The following NFS1 variants were observed in gnomAD, a reference collection of about 807,000 sequenced individuals.
The protein encoded by NFS1 is NFS1 cysteine desulfurase.
NFS1 carries 26 observed loss-of-function variants against 57.3 expected under a neutral mutation model. That is an observed-to-expected ratio of 0.45 (90% CI 0.33 to 0.63). NFS1 has a LOEUF of 0.63. NFS1 is among the 20% of genes least tolerant of loss of function. The pLI is 0.02. For missense variants in NFS1, 505 were observed against 605.8 expected, an observed-to-expected ratio of 0.83 and a Z score of 1.75; for synonymous variants, 209 against 216.3, an observed-to-expected ratio of 0.97 and a Z score of 0.30.
Position 35,674,370 on chromosome 20 carries a change from G to A in NFS1, c.1116C>T (p.Asp372=), listed in dbSNP as rs775044255. 39 of 1,613,956 alleles carry A rather than the reference G, an allele frequency of 2.4e-5. No homozygotes were observed. Among genetic ancestry groups the A allele is most frequent in the African/African-American group, 1.9e-4 (14 of 74,904 alleles). Residue 372 remains aspartate (D), a synonymous_variant, in exon 10 of 13, where the codon GAC becomes GAT. Coordinates refer to ENST00000374092, the MANE Select transcript of NFS1 (RefSeq NM_021100.5). Reference sequence around the variant, plus strand: ...CTCACCTCCCTGAGGATAAGGCAACGTCCTTCAGTGCCATCAGCAGACTTT... The same window carrying A: ...CTCACCTCCCTGAGGATAAGGCAACATCCTTCAGTGCCATCAGCAGACTTT... ...EGESLLMALK[D]VALSSGSACT...
At position 35,691,910 on chromosome 20, in the gene NFS1, C is replaced by T. The variant is rs774644603; in HGVS notation, c.409-1345G>A. ...CTAAAAATACAAAAATGGCCAGGCG[C>T]GGTGGCTCACACCTGTAATTCCAAC... On this transcript the variant is annotated intron_variant, in intron 4 of 12. Coordinates refer to ENST00000374092, the MANE Select transcript of NFS1 (RefSeq NM_021100.5). Among the ~76,000 whole-genome samples the T allele has an allele frequency of 4.6e-5, 7 of 151,644 alleles. No individual in the cohort carries two copies. In the South Asian group the frequency reaches 6.3e-4, roughly 14 times the overall value.
At position 35,690,537 on chromosome 20, in the gene NFS1, T is replaced by G; in HGVS notation, c.437A>C (p.Lys146Thr). 1.2e-6 allele frequency: 2 copies of G among 1,614,106 alleles called. No individual in the cohort carries two copies. Among genetic ancestry groups the G allele is most frequent in the Non-Finnish European group, 1.7e-6 (2 of 1,180,016 alleles). Residue 146 changes from lysine (K) to threonine (T), a missense_variant, in exon 5 of 13, where the codon AAA becomes ACA. Lys to Thr is a moderately conservative substitution (Grantham distance 78, BLOSUM62 -1). Coordinates refer to ENST00000374092, the MANE Select transcript of NFS1 (RefSeq NM_021100.5). ...TGTCTGGGTGGTGATCAAGTGCTTTTTCCGTGACCTGTAGAATCGGGCCAC... is the reference window on the plus strand; with the variant it reads ...TGTCTGGGTGGTGATCAAGTGCTTTGTCCGTGACCTGTAGAATCGGGCCAC... ...KGVARFYRSR[K>T]KHLITTQTEH...
chr20:35,699,008 G>A lies in NFS1; in HGVS notation c.97+184C>T. Reference sequence around the variant, plus strand: ...TGGGGGCCTGTCGCGCAGGGTGCGAGGGGTGGTGCGCCGGGGTCAACCGTT... The same window carrying A: ...TGGGGGCCTGTCGCGCAGGGTGCGAAGGGTGGTGCGCCGGGGTCAACCGTT... On this transcript the variant is annotated intron_variant, in intron 1 of 12. Coordinates refer to ENST00000374092, the MANE Select transcript of NFS1 (RefSeq NM_021100.5). This position sits in a 1 kb window ranked among gnomAD's most constrained non-coding sequence, Gnocchi z 4.4. 7.5e-7 allele frequency: 1 copy of A among 1,328,272 alleles called. No individual in the cohort carries two copies. Among genetic ancestry groups the A allele is most frequent in the South Asian group, 2.1e-5 (1 of 48,692 alleles). 82.3% of individuals were successfully genotyped at this position (1,328,272 alleles called of 1,614,324 possible).
chr20:35,674,742 C>T, intron 8 of NFS1, 125 bp from the exon 9 acceptor site: 4 of 772,032 alleles, frequency 5.2e-6, no homozygotes. Flanking sequence ...CCTATGTACT[C>T]ATGGGGACCA....
chr20:35,682,039 G>A (rs967270488), intron 5 of NFS1, 58 bp from the exon 6 acceptor site: 1 of 953,224 alleles, frequency 1.0e-6, no homozygotes, highest in African/African-American at 1.6e-5. Flanking sequence ...TCCTAAATCA[G>A]AATATAGGCA....
chr20:35,677,815 TC>T (rs2034779614), intron 7 of NFS1, among the ~76,000 whole-genome samples: 2 of 152,184 alleles, frequency 1.3e-5, no homozygotes, highest in South Asian at 4.1e-4. Context: ...ATGCCTGTAA[TC>T]CCAGCACTTT....
At chr20:35,686,809 G>C (rs1446998692) in intron 5 of NFS1, among the ~76,000 whole-genome samples, 1 of 151,960 alleles carries the variant, frequency 6.6e-6, no homozygotes, top group Non-Finnish European at 1.5e-5. Context: ...AATAAGAATA[G>C]TTATACTAGA....
rs375377216 is a variant in NFS1, at chr20:35,681,042, C to T, written c.656-171G>A. Among the ~76,000 whole-genome samples the T allele has an allele frequency of 5.9e-5, 9 of 152,010 alleles. No homozygotes were observed. In the East Asian group the frequency reaches 1.2e-3, roughly 20 times the overall value. ...TCTTTTCCTTCCCTCCTCCCCCTTC[C>T]CCCTTCCTCCCTCTCTGTGTCTCAG... On this transcript the variant is annotated intron_variant, in intron 6 of 12. Coordinates refer to ENST00000374092, the MANE Select transcript of NFS1 (RefSeq NM_021100.5).
At chr20:35,669,965 A>G (rs868604775) in intron 12 of NFS1, among the ~76,000 whole-genome samples, 4 of 152,204 alleles carry the variant, frequency 2.6e-5, no homozygotes, top group Admixed American at 6.5e-5. Flanking sequence ...GACACCAAAC[A>G]TGGTCATATT....
intron 11 of NFS1, among the ~76,000 whole-genome samples, chr20:35,673,289 G>GAA (rs72118863): frequency 9.2e-5 from 13 of 141,474 alleles, no homozygotes; most frequent in South Asian, 2.2e-4. Context: ...CTCTGTCTCA[G>GAA]AAAAAAAAAA....
chr20:35,675,134 GC>G lies in NFS1; in HGVS notation c.858del (p.Gln287ArgfsTer14), dbSNP rs1200701352. 3 of 1,613,742 alleles carry G rather than the reference GC, an allele frequency of 1.9e-6. No homozygotes were observed. The highest frequency in any genetic ancestry group is 2.7e-5 in the African/African-American group (2 of 74,906). ...GTCCCAGACCGCATACCCCGCTCCT[GC>G]CCCCCTCCACTCTGCAGGGCCTCCA... The part of the protein sequence containing the change: ...VRVEALQSGG[G>X]QERGMRSGTV... On this transcript the variant is annotated frameshift_variant, in exon 8 of 13. Transcript: ENST00000374092. LOFTEE classifies it high-confidence loss of function.
chr20:35,681,735 A>G (rs1405472950), intron 6 of NFS1, among the ~76,000 whole-genome samples, 153 bp downstream of exon 6: 1 of 152,156 alleles, frequency 6.6e-6, no homozygotes, highest in Non-Finnish European at 1.5e-5. Context: ...GGATTCAAAT[A>G]CTGCCTATGA....
chr20:35,698,715 T>C, intron 1 of NFS1, 125 bp from the exon 2 acceptor site: 1 of 1,422,362 alleles, frequency 7.0e-7, no homozygotes, highest in Non-Finnish European at 9.2e-7. Context: ...TAGGGTCGAA[T>C]CTCAATGGAA....
Position 35,676,782 on chromosome 20 carries a change from AAAAC to A in NFS1, c.791-1584_791-1581del, listed in dbSNP as rs1332620976. Reference sequence around the variant, plus strand: ...AGAAAAAAAAAAAAAAAAAAAAAAAAAAACCAAGAAAGAAATTACCTCCCCAGAA... The same window carrying A: ...AGAAAAAAAAAAAAAAAAAAAAAAAACAAGAAAGAAATTACCTCCCCAGAA... On this transcript the variant is annotated intron_variant, in intron 7 of 12. Coordinates refer to ENST00000374092, the MANE Select transcript of NFS1 (RefSeq NM_021100.5). Among the ~76,000 whole-genome samples the A allele has an allele frequency of 3.1e-3, 382 of 122,686 alleles. 11 individuals carry two copies. The highest frequency in any genetic ancestry group is 1.0e-2 in the South Asian group (37 of 3,712). 80.5% of individuals were successfully genotyped at this position (122,686 alleles called of 152,430 possible). A position where few individuals can be genotyped will look rare whatever the true frequency, so the allele number is the denominator to read the frequency against.
chr20:35,673,074 G>C (rs1477285763), intron 11 of NFS1, among the ~76,000 whole-genome samples: 1 of 152,164 alleles, frequency 6.6e-6, no homozygotes, highest in Admixed American at 6.5e-5. Context: ...GATCACATGA[G>C]GTTGGGAGTT....
At chr20:35,689,929 CAAAA>C (rs779636716) in intron 5 of NFS1, among the ~76,000 whole-genome samples, 2 of 70,978 alleles carry the variant, frequency 2.8e-5, no homozygotes, top group Non-Finnish European at 2.7e-5. Context: ...GACTCTGCCT[CAAAA>C]AAAAAAAAAA....
intron 4 of NFS1, among the ~76,000 whole-genome samples, chr20:35,694,011 T>C (rs1483892173): frequency 1.3e-5 from 2 of 152,052 alleles, no homozygotes; most frequent in Non-Finnish European, 2.9e-5. Context: ...ACAGGCGTGC[T>C]AGTACACGCC....
chr20:35,699,158 T>C lies in NFS1; in HGVS notation c.97+34A>G, dbSNP rs2035197736. ...TGCGTCGCCGCGCGGAGGGGACAGG[T>C]CCGCGCCTCCCGGAGAGCGGGACCC... On this transcript the variant is annotated intron_variant, in intron 1 of 12. Transcript: ENST00000374092. This position sits in a 1 kb window ranked among gnomAD's most constrained non-coding sequence, Gnocchi z 4.4. The C allele has an allele frequency of 7.2e-7, 1 of 1,387,258 alleles. No individual in the cohort carries two copies. Among genetic ancestry groups the C allele is most frequent in the East Asian group, 3.0e-5 (1 of 33,252 alleles). 85.9% of individuals were successfully genotyped at this position (1,387,258 alleles called of 1,614,324 possible).
chr20:35,672,410 C>CG (rs1568955322), intron 12 of NFS1, among the ~76,000 whole-genome samples: 1 of 151,996 alleles, frequency 6.6e-6, no homozygotes, highest in East Asian at 1.9e-4. Flanking sequence ...CCACCACTCC[C>CG]GGCTAATTTT....
Sources: gnomAD v4.1 joint callset for allele counts (sites outside exome capture counted in the v4.1 genomes callset) on GRCh38, gnomAD v4.1.1 for gene constraint, Gnocchi (gnomAD v3.1) non-coding constraint, MANE v1.5 for transcripts, NCBI Gene and HGNC (gene_info 2026-07-23, HGNC 2026-07-21) for gene names.